The following AFF3 variants were observed in gnomAD, a reference collection of about 807,000 sequenced individuals.
The protein encoded by AFF3 is ALF transcription elongation factor 3.
In AFF3, 32 loss-of-function variants were observed where a neutral mutation model predicts 129.7. That is an observed-to-expected ratio of 0.25 (90% confidence interval 0.19 to 0.33). The LOEUF (loss-of-function observed/expected upper bound fraction) is 0.33. AFF3 is among the 10% of genes least tolerant of loss of function. The pLI is 1.00. For missense variants in AFF3, 1,373 were observed against 1,592.0 expected (o/e 0.86, Z 2.34); for synonymous variants, 644 against 635.4 (o/e 1.01, Z -0.20).
At chr2:99,916,449 C>T (rs1042072627) in intron 7 of AFF3, among the ~76,000 whole-genome samples, 18 of 152,160 alleles carry the variant, frequency 1.2e-4, no homozygotes, top group Middle Eastern at 3.4e-3. Context: ...CTGCCATGTC[C>T]GCAACACCTA....
At chr2:100,050,880 T>C (rs1000349739) in intron 4 of AFF3, among the ~76,000 whole-genome samples, 1 of 152,176 alleles carries the variant, frequency 6.6e-6, no homozygotes, top group Non-Finnish European at 1.5e-5. Context: ...TATTGACTAA[T>C]GTGGAGTAAC....
At chr2:99,731,397 G>C (rs1163768299) in intron 10 of AFF3, among the ~76,000 whole-genome samples, 2 of 152,072 alleles carry the variant, frequency 1.3e-5, no homozygotes, top group Non-Finnish European at 2.9e-5. Flanking sequence ...AGTGCCTCTA[G>C]TGGGCATTTG....
At chr2:99,894,373 G>A (rs1693781070) in intron 7 of AFF3, among the ~76,000 whole-genome samples, 1 of 151,878 alleles carries the variant, frequency 6.6e-6, no homozygotes, top group African/African-American at 2.4e-5. Flanking sequence ...AGGAAGGGAA[G>A]AAAGGGAGGG....
At chr2:99,826,104 T>C (rs1315629950) in intron 8 of AFF3, among the ~76,000 whole-genome samples, 1 of 152,216 alleles carries the variant, frequency 6.6e-6, no homozygotes, top group Non-Finnish European at 1.5e-5. Context: ...AACCTCTGCC[T>C]CCCAGGTTCA....
intron 11 of AFF3, among the ~76,000 whole-genome samples, chr2:99,677,387 A>T (rs1674078292): frequency 6.6e-6 from 1 of 152,144 alleles, no homozygotes; most frequent in Non-Finnish European, 1.5e-5. Context: ...CCTCATGGTG[A>T]CTTTACAGTA....
At chr2:99,635,287 A>G (rs1323630291) in intron 13 of AFF3, among the ~76,000 whole-genome samples, 2 of 151,866 alleles carry the variant, frequency 1.3e-5, no homozygotes, top group Non-Finnish European at 2.9e-5. Context: ...TATACATATC[A>G]TACATATACA....
intron 16 of AFF3, 39 bp from the exon 17 acceptor site, chr2:99,583,038 C>T (rs1439915904): frequency 1.3e-6 from 2 of 1,588,934 alleles, no homozygotes; most frequent in Admixed American, 3.3e-5. Context: ...GTTACAGAGT[C>T]AGCACAGGGA....
intron 8 of AFF3, among the ~76,000 whole-genome samples, chr2:99,796,827 C>T (rs1685585435): frequency 6.6e-6 from 1 of 152,136 alleles, no homozygotes; most frequent in Non-Finnish European, 1.5e-5. Context: ...ATTGTGCTCA[C>T]CAGCCAGACT....
intron 7 of AFF3, among the ~76,000 whole-genome samples, chr2:99,924,730 T>A (rs1382272820): frequency 6.6e-6 from 1 of 152,160 alleles, no homozygotes; most frequent in Non-Finnish European, 1.5e-5. Flanking sequence ...GAATTCAACA[T>A]CGATCTGGAA....
At chr2:99,830,936 C>T (rs1429268) in intron 8 of AFF3, among the ~76,000 whole-genome samples, 134,213 of 152,028 alleles carry the variant, frequency 0.88, 59,419 homozygotes, top group African/African-American at 0.96. Context: ...GGGTGGGTGG[C>T]TGGAGAAAGG....
chr2:99,895,243 C>T (rs1388194992), intron 7 of AFF3, among the ~76,000 whole-genome samples: 1 of 152,214 alleles, frequency 6.6e-6, no homozygotes, highest in Non-Finnish European at 1.5e-5. Context: ...TAGATACTGC[C>T]AAATTACATT....
chr2:99,909,581 T>C (rs888854666), intron 7 of AFF3, among the ~76,000 whole-genome samples: 1 of 149,514 alleles, frequency 6.7e-6, no homozygotes, highest in African/African-American at 2.5e-5. Context: ...GTTGTGCACA[T>C]GCACCCTAAA....
intron 11 of AFF3, among the ~76,000 whole-genome samples, chr2:99,712,246 A>G (rs1439437082): frequency 6.6e-6 from 1 of 152,208 alleles, no homozygotes; most frequent in Non-Finnish European, 1.5e-5. Context: ...TCCAAGGGGA[A>G]TACTTCAGGG....
chr2:100,112,534 A>G (rs1691554517), intron 2 of AFF3: 1 of 141,746 alleles, frequency 7.1e-6, no homozygotes, highest in East Asian at 2.0e-4. Flanking sequence ...CCTACAAAAA[A>G]TAAAAAATTA....
chr2:100,057,096 G>A (rs1350405781), intron 4 of AFF3, among the ~76,000 whole-genome samples: 1 of 152,102 alleles, frequency 6.6e-6, no homozygotes, highest in South Asian at 2.1e-4. Context: ...CAAGACGGGT[G>A]GATCACCTGA....
At chr2:100,073,280 G>A (rs2105313518) in intron 4 of AFF3, among the ~76,000 whole-genome samples, 1 of 152,300 alleles carries the variant, frequency 6.6e-6, no homozygotes, top group East Asian at 1.9e-4. Flanking sequence ...CATGAAAAGG[G>A]GACACGTGGA....
intron 7 of AFF3, among the ~76,000 whole-genome samples, chr2:99,949,642 G>A (rs561895779): frequency 2.0e-5 from 3 of 152,008 alleles, no homozygotes; most frequent in South Asian, 2.1e-4. Flanking sequence ...TAGATCCCTC[G>A]CATGTGCAGT....
chr2:99,643,943 G>A (rs999535291), intron 13 of AFF3, among the ~76,000 whole-genome samples: 2 of 152,224 alleles, frequency 1.3e-5, no homozygotes, highest in African/African-American at 2.4e-5. Flanking sequence ...CAGCAAATGT[G>A]TAAGCCTTGT....
At chr2:99,869,475 G>GC (rs1558931550) in intron 7 of AFF3, among the ~76,000 whole-genome samples, 1 of 152,116 alleles carries the variant, frequency 6.6e-6, no homozygotes, top group Non-Finnish European at 1.5e-5. Context: ...TGATAGGCTC[G>GC]CTACTGCATA....
Sources: gnomAD v4.1 joint callset for allele counts (sites outside exome capture counted in the v4.1 genomes callset) on GRCh38, gnomAD v4.1.1 for gene constraint, MANE v1.5 for transcripts, NCBI Gene and HGNC (gene_info 2026-07-23, HGNC 2026-07-21) for gene names.